AP5Z1: variants seen among roughly 807,000 people sequenced by gnomAD.
AP5Z1 encodes adaptor related protein complex 5 subunit zeta 1, also known as AP-5 complex subunit zeta-1.
A neutral mutation model predicts 83.0 loss-of-function variants in AP5Z1; 106 were observed. The observed-to-expected ratio is 1.28, with a 90% confidence interval of 1.09 to 1.50. AP5Z1 has a LOEUF of 1.50. Among genes scored for constraint, AP5Z1 ranks in the 40% most tolerant of loss-of-function variants. AP5Z1 has a pLI of 0.00. For missense variants in AP5Z1, 1,565 were observed against 1,094.2 expected, an observed-to-expected ratio of 1.43 and a Z score of -6.07; for synonymous variants, 751 against 514.1, an observed-to-expected ratio of 1.46 and a Z score of -6.23.
At chr7:4,776,599 G>C (rs998978300) in intron 1 of AP5Z1, among the ~76,000 whole-genome samples, 2 of 151,806 alleles carry the variant, frequency 1.3e-5, no homozygotes, top group Non-Finnish European at 2.9e-5. Context: ...GCCGGGCGTG[G>C]TGGTGGGTGA....
intron 1 of AP5Z1, among the ~76,000 whole-genome samples, chr7:4,778,893 A>T (rs1167288133): frequency 6.8e-6 from 1 of 146,048 alleles, no homozygotes; most frequent in Non-Finnish European, 1.5e-5. Context: ...GAATAAAAAA[A>T]ATTCACTGGG....
chr7:4,791,044 G>C lies in AP5Z1; in HGVS notation c.2154-71G>C, dbSNP rs1583242994. 47 of 1,487,338 alleles carry C rather than the reference G, an allele frequency of 3.2e-5. No homozygotes were observed. In the East Asian group the frequency reaches 1.1e-3, roughly 36 times the overall value. 92.1% of individuals were successfully genotyped at this position (1,487,338 alleles called of 1,614,324 possible). On this transcript the variant is annotated intron_variant, in intron 16 of 16. Coordinates refer to ENST00000649063, the MANE Select transcript of AP5Z1 (RefSeq NM_014855.3). ...CCACTCTGCTGGGCGCTTCAGGCCT[G>C]GCCCCTCCACACAGACCCCTGTCCT...
rs1280526603 is a variant in AP5Z1 at position 4,788,148 on chromosome 7, A to G, written c.1455-6A>G. 3 of 1,542,062 alleles carry G rather than the reference A, an allele frequency of 1.9e-6. No individual in the cohort carries two copies. The highest frequency in any genetic ancestry group is 2.6e-6 in the Non-Finnish European group (3 of 1,142,736). On this transcript the variant is annotated splice_region_variant and splice_polypyrimidine_tract_variant and intron_variant, in intron 11 of 16. Transcript: ENST00000649063. ...CCAGCCTGGCCTTGGGCGTCTGTCCACGCAGGTCAGCACCGGCTGCATCCG... is the reference window on the plus strand; with the variant it reads ...CCAGCCTGGCCTTGGGCGTCTGTCCGCGCAGGTCAGCACCGGCTGCATCCG...
rs771198635 is a variant in AP5Z1 at position 4,790,879 on chromosome 7, G to A, written c.2145G>A (p.Leu715=). The change falls in exon 16 of 17, where the codon CTG becomes CTA. Residue 715 remains leucine (L), a synonymous_variant. Coordinates refer to ENST00000649063, the MANE Select transcript of AP5Z1 (RefSeq NM_014855.3). ...LTKLASRSQD[L]IPRASLLLSK... is the part of the protein sequence containing the mutation. Reference sequence around the variant, plus strand: ...AGCTGGCCTCCCGGAGCCAAGATCTGATCCCCAGGTGCCTGGTCAGGGAGG... The same window carrying A: ...AGCTGGCCTCCCGGAGCCAAGATCTAATCCCCAGGTGCCTGGTCAGGGAGG... 8.1e-6 allele frequency: 13 copies of A among 1,602,086 alleles called. No homozygotes were observed. In the East Asian group the frequency reaches 2.7e-4, roughly 33 times the overall value.
intron 1 of AP5Z1, among the ~76,000 whole-genome samples, chr7:4,777,321 C>A (rs1781253961): frequency 6.6e-6 from 1 of 151,998 alleles, no homozygotes; most frequent in Non-Finnish European, 1.5e-5. Context: ...AGGTCATAAA[C>A]TTGTGACATG....
chr7:4,784,178 C>T, intron 5 of AP5Z1, 25 bp from the exon 6 acceptor site: 1 of 1,567,260 alleles, frequency 6.4e-7, no homozygotes, highest in Non-Finnish European at 8.6e-7. Flanking sequence ...CCCCCTCCGC[C>T]CACTCCTGCC....
Position 4,793,704 on chromosome 7 carries a change from G to A in AP5Z1, c.*2319G>A. ...GCTGCTGTGCTCGATTTCTCACTGG[G>A]CCTTAGCTGCCTTCCTGCGGGGCAG... On this transcript the variant is annotated 3_prime_UTR_variant, in exon 17 of 17. Coordinates refer to ENST00000649063, the MANE Select transcript of AP5Z1 (RefSeq NM_014855.3). 1 of 153,580 alleles carries A rather than the reference G, an allele frequency of 6.5e-6. No individual in the cohort carries two copies. Among genetic ancestry groups the A allele is most frequent in the Non-Finnish European group, 1.4e-5 (1 of 69,036 alleles). The allele number at this position is 153,580 out of a possible 1,614,324, so 9.5% of individuals were successfully genotyped here.
chr7:4,787,950 C>T (rs961071395), intron 11 of AP5Z1, among the ~76,000 whole-genome samples, 174 bp downstream of exon 11: 2 of 152,164 alleles, frequency 1.3e-5, no homozygotes, highest in Non-Finnish European at 2.9e-5. Context: ...GTCTGTCACC[C>T]TTGGCCACTT....
Position 4,785,634 on chromosome 7 carries a change from C to T in AP5Z1, c.1082C>T (p.Pro361Leu), listed in dbSNP as rs772283887. Residue 361 changes from proline (P) to leucine (L), a missense_variant, in exon 9 of 17, where the codon CCG becomes CTG. Coordinates refer to ENST00000649063, the MANE Select transcript of AP5Z1 (RefSeq NM_014855.3). ...KALHGRVRGD[P>L]ASVRVLLPLA... ...CTGCACGGGCGGGTGCGCGGGGACC[C>T]GGCCTCTGTGCGGGTGCTGCTGCCC... The T allele has an allele frequency of 1.8e-5, 29 of 1,568,904 alleles. No individual in the cohort carries two copies. Among genetic ancestry groups the T allele is most frequent in the Admixed American group, 1.1e-4 (6 of 54,782 alleles).
Position 4,791,423 on chromosome 7 carries a change from C to A in AP5Z1, c.*38C>A. On this transcript the variant is annotated 3_prime_UTR_variant, in exon 17 of 17. Coordinates refer to ENST00000649063, the MANE Select transcript of AP5Z1 (RefSeq NM_014855.3). ...CAGGGACTTCGGTGCAGATTAAGAG[C>A]CTGGGCAGCCAGCTTGCTACTGAGG... The A allele has an allele frequency of 6.4e-7, 1 of 1,559,862 alleles. No homozygotes were observed. Among genetic ancestry groups the A allele is most frequent in the Non-Finnish European group, 8.7e-7 (1 of 1,150,452 alleles).
intron 10 of AP5Z1, 45 bp downstream of exon 10, chr7:4,786,473 T>C: frequency 3.8e-6 from 6 of 1,588,460 alleles, no homozygotes; most frequent in Non-Finnish European, 5.2e-6. Context: ...GCATGGTAAG[T>C]CCCTGGGGCT....
At chr7:4,785,366 C>T (rs559963257) in intron 7 of AP5Z1, 49 bp from the exon 8 acceptor site, 9 of 1,591,760 alleles carry the variant, frequency 5.7e-6, no homozygotes, top group Non-Finnish European at 7.7e-6. Context: ...CCTCATTGGG[C>T]CACTCTAAGG....
In AP5Z1 at chr7:4,791,221, C is replaced by T; in HGVS notation, c.2260C>T (p.Leu754=). ...AGCCATCCGTACCCGGGCCACAGAG[C>T]TGCTGACCCTGCTGAAGATGCCTAG... ...AEAIRTRATE[L]LTLLKMPSVA... is the part of the protein sequence containing the mutation. The change falls in exon 17 of 17, where the codon CTG becomes TTG. Residue 754 remains leucine, a synonymous_variant. Coordinates refer to ENST00000649063, the MANE Select transcript of AP5Z1 (RefSeq NM_014855.3). 6.2e-7 allele frequency: 1 copy of T among 1,612,754 alleles called. No homozygotes were observed. The highest frequency in any genetic ancestry group is 8.5e-7 in the Non-Finnish European group (1 of 1,179,832).
At position 4,787,559 on chromosome 7, in the gene AP5Z1, C is replaced by A. The variant is rs1041308676; in HGVS notation, c.1312-75C>A. On this transcript the variant is annotated intron_variant, in intron 10 of 16. Coordinates refer to ENST00000649063, the MANE Select transcript of AP5Z1 (RefSeq NM_014855.3). Reference sequence around the variant, plus strand: ...CTGCAGGTCTGGGACAGCTGTGGGGCCCTAGCTGGCTCCTCCCTCTGCCGC... The same window carrying A: ...CTGCAGGTCTGGGACAGCTGTGGGGACCTAGCTGGCTCCTCCCTCTGCCGC... 4 of 1,506,824 alleles carry A rather than the reference C, an allele frequency of 2.7e-6. No individual in the cohort carries two copies. In the Admixed American group the frequency reaches 8.0e-5, roughly 30 times the overall value. The allele number at this position is 1,506,824 out of a possible 1,614,324, so 93.3% of individuals were successfully genotyped here.
rs2115107848 is a variant in AP5Z1 at position 4,783,817 on chromosome 7, T to C, written c.621+19T>C. On this transcript the variant is annotated intron_variant, in intron 5 of 16. Transcript: ENST00000649063. ...CCGGCAGGTGAGGCTGGGACTGTTC[T>C]GGAACCATGGGGAACAGAGTCACAG... 1 of 1,542,120 alleles carries C rather than the reference T, an allele frequency of 6.5e-7. No homozygotes were observed.
At chr7:4,777,353 CTTTATTTATTTA>C (rs10676677) in intron 1 of AP5Z1, among the ~76,000 whole-genome samples, 33 of 148,952 alleles carry the variant, frequency 2.2e-4, no homozygotes, top group Admixed American at 6.6e-4. Flanking sequence ...GAAGAGCCCT[CTTTATTTATTTA>C]TTTATTTATT....
chr7:4,775,624 A>T lies in AP5Z1; in HGVS notation c.-92A>T. The stretch of plus-strand genomic sequence containing the variant: ...CACGTAAGGCCGCTGCGCTCACGTG[A>T]CGCGGTCCCGGAAGTTGACCGGGGT... On this transcript the variant is annotated 5_prime_UTR_variant, in exon 1 of 17. Coordinates refer to ENST00000649063, the MANE Select transcript of AP5Z1 (RefSeq NM_014855.3). The T allele has an allele frequency of 1.9e-6, 3 of 1,541,056 alleles. No homozygotes were observed. The highest frequency in any genetic ancestry group is 2.4e-5 in the East Asian group (1 of 41,968).
At position 4,789,902 on chromosome 7, in the gene AP5Z1, C is replaced by T. The variant is rs1373155991; in HGVS notation, c.1778C>T (p.Ala593Val). The T allele has an allele frequency of 3.9e-6, 6 of 1,549,872 alleles. No homozygotes were observed. Among genetic ancestry groups the T allele is most frequent in the East Asian group, 2.4e-5 (1 of 40,994 alleles). The change falls in exon 14 of 17, where the codon GCC (alanine) becomes GTC (valine). Residue 593 changes from alanine (A) to valine (V), a missense_variant. Transcript: ENST00000649063. The part of the protein sequence containing the change: ...LLGRSDSLYP[A>V]PGYAAGVHSV... The stretch of plus-strand genomic sequence containing the variant: ...GGCAGGAGCGACTCGCTCTACCCGG[C>T]CCCAGGGTACGCTGCCGGTGTGCAC...
chr7:4,793,170 G>A lies in AP5Z1; in HGVS notation c.*1785G>A, dbSNP rs1781841496. On this transcript the variant is annotated 3_prime_UTR_variant, in exon 17 of 17. Coordinates refer to ENST00000649063, the MANE Select transcript of AP5Z1 (RefSeq NM_014855.3). ...GAGCTCATGGCCACAGGGCCTCGGA[G>A]GGCATGACCCCAGCCCAGGGAGGAG... 2 of 152,350 alleles carry A rather than the reference G, an allele frequency of 1.3e-5. No homozygotes were observed. Among genetic ancestry groups the A allele is most frequent in the Admixed American group, 1.3e-4 (2 of 15,294 alleles). 9.4% of individuals were successfully genotyped at this position (152,350 alleles called of 1,614,324 possible). A position where few individuals can be genotyped will look rare whatever the true frequency, so the allele number is the denominator to read the frequency against.
Sources: gnomAD v4.1 joint callset for allele counts (sites outside exome capture counted in the v4.1 genomes callset) on GRCh38, gnomAD v4.1.1 for gene constraint, MANE v1.5 for transcripts, NCBI Gene and HGNC (gene_info 2026-07-23, HGNC 2026-07-21) for gene names.